PTPRE: variants seen among roughly 807,000 people sequenced by gnomAD.
PTPRE encodes the protein receptor-type tyrosine-protein phosphatase epsilon.
In PTPRE, 51 loss-of-function variants were observed where a neutral mutation model predicts 102.0. That is an observed-to-expected ratio of 0.50 (90% CI 0.40 to 0.63). PTPRE has a LOEUF of 0.63. Among genes scored for constraint, PTPRE ranks in the 30% least tolerant of loss-of-function variants. The probability of loss-of-function intolerance (pLI) is 0.00; values close to 1 mark genes in which losing one functional copy is unlikely to be tolerated. For missense variants in PTPRE, 752 were observed against 915.1 expected (o/e 0.82, Z 2.30); for synonymous variants, 345 against 348.2 (o/e 0.99, Z 0.10).
chr10:128,075,956 T>C (rs1851177436), intron 17 of PTPRE, among the ~76,000 whole-genome samples: 1 of 152,214 alleles, frequency 6.6e-6, no homozygotes, highest in South Asian at 2.1e-4. Flanking sequence ...TTATTGGTTT[T>C]ATGTATTGCA....
In PTPRE at chr10:128,084,136, A is replaced by AT; in HGVS notation, c.*1230_*1231insT. ...TCCCATTACCAGATAAGATTGACTG[A>AT]CGGGGAAAAAAAAAAAAAAAGAATG... On this transcript the variant is annotated 3_prime_UTR_variant, in exon 21 of 21. Coordinates refer to ENST00000254667, the MANE Select transcript of PTPRE (RefSeq NM_006504.6). The AT allele has an allele frequency of 1.1e-5, 1 of 94,826 alleles. No homozygotes were observed. Among genetic ancestry groups the AT allele is most frequent in the East Asian group, 3.2e-4 (1 of 3,150 alleles). 5.9% of individuals were successfully genotyped at this position (94,826 alleles called of 1,614,324 possible). A position where few individuals can be genotyped will look rare whatever the true frequency, so the allele number is the denominator to read the frequency against.
chr10:128,080,736 C>T (rs1048575824), intron 20 of PTPRE, among the ~76,000 whole-genome samples: 1 of 152,216 alleles, frequency 6.6e-6, no homozygotes, highest in African/African-American at 2.4e-5. Flanking sequence ...TGGCTGTCAT[C>T]TGTGCTCTCT....
Position 128,076,671 on chromosome 10 carries a change from G to A in PTPRE, c.1668G>A (p.Lys556=). The change falls in exon 18 of 21, where the codon AAG becomes AAA. Residue 556 remains lysine (K), a synonymous_variant. Transcript: ENST00000254667. The part of the protein sequence containing the change: ...VTHGEITIEI[K]NDTLSEAISI... ...ATGGAGAAATAACGATTGAGATAAA[G>A]AATGATACCCTTTCAGAAGCCATCA... The A allele has an allele frequency of 6.2e-7, 1 of 1,612,100 alleles. No individual in the cohort carries two copies. Among genetic ancestry groups the A allele is most frequent in the Non-Finnish European group, 8.5e-7 (1 of 1,179,508 alleles).
At chr10:128,016,801 C>G (rs1269982260) in intron 2 of PTPRE, among the ~76,000 whole-genome samples, 1 of 152,232 alleles carries the variant, frequency 6.6e-6, no homozygotes, top group African/African-American at 2.4e-5. Context: ...GAGGAACAGA[C>G]TCACCTTGTT....
rs59253362 is a variant in PTPRE at position 128,010,545 on chromosome 10, CCTTTTCTTTT to C, written c.-8+28289_-8+28298del. On this transcript the variant is annotated intron_variant, in intron 2 of 20. Coordinates refer to ENST00000254667, the MANE Select transcript of PTPRE (RefSeq NM_006504.6). ...CCAGCCACAACCGTCAAACCCTGTT[CCTTTTCTTTT>C]CTTTTCTTTTCTTTTCTTTTCTTTT... Among the ~76,000 whole-genome samples the C allele has an allele frequency of 4.1e-3, 532 of 128,322 alleles. 3 individuals are homozygous for C. Among genetic ancestry groups the C allele is most frequent in the African/African-American group, 0.012 (386 of 33,434 alleles). The allele number at this position is 128,322 out of a possible 152,430, so 84.2% of individuals were successfully genotyped here. A position where few individuals can be genotyped will look rare whatever the true frequency, so the allele number is the denominator to read the frequency against.
intron 1 of PTPRE, among the ~76,000 whole-genome samples, chr10:127,972,434 A>G (rs1850824174): frequency 6.6e-6 from 1 of 152,206 alleles, no homozygotes; most frequent in South Asian, 2.1e-4. Flanking sequence ...CTGTATGTAC[A>G]GTGTCTAGCA....
At chr10:128,041,493 C>G (rs1374240330) in intron 3 of PTPRE, among the ~76,000 whole-genome samples, 1 of 151,736 alleles carries the variant, frequency 6.6e-6, no homozygotes, top group Non-Finnish European at 1.5e-5. Flanking sequence ...ACTAAAAGTA[C>G]AAAAATTAGC....
intron 10 of PTPRE, among the ~76,000 whole-genome samples, chr10:128,065,808 C>T (rs1191505534): frequency 1.3e-5 from 2 of 152,132 alleles, no homozygotes; most frequent in Non-Finnish European, 2.9e-5. Context: ...GTATGGGATT[C>T]GTGAATGAAT....
At chr10:127,916,297 A>G (rs1191735356) in intron 1 of PTPRE, among the ~76,000 whole-genome samples, 1 of 152,128 alleles carries the variant, frequency 6.6e-6, no homozygotes, top group African/African-American at 2.4e-5. Context: ...ATAGTGAGTG[A>G]GTTCTCATGA....
At chr10:128,053,177 G>A (rs1848683776) in intron 6 of PTPRE, among the ~76,000 whole-genome samples, 1 of 152,130 alleles carries the variant, frequency 6.6e-6, no homozygotes, top group Admixed American at 6.5e-5. Context: ...CTTGAACCCG[G>A]GAGGCAGAGG....
chr10:127,907,818 GC>G lies in PTPRE; in HGVS notation c.-31+512del, dbSNP rs1353134515. ...GATGCTGCCCCGCAGCCGGGCGGGC[GC>G]CCGCGCCTTCCCAGGGAGGCAGGTG... On this transcript the variant is annotated intron_variant, in intron 1 of 20. Coordinates refer to ENST00000254667, the MANE Select transcript of PTPRE (RefSeq NM_006504.6). The surrounding 1 kb of genome is among the most constrained non-coding windows in gnomAD (Gnocchi z 4.8). Among the ~76,000 whole-genome samples the G allele has an allele frequency of 1.3e-5, 2 of 152,232 alleles. No homozygotes were observed. Among genetic ancestry groups the G allele is most frequent in the Admixed American group, 1.3e-4 (2 of 15,294 alleles).
intron 18 of PTPRE, 106 bp from the exon 19 acceptor site, chr10:128,077,511 G>C (rs1851315686): frequency 7.2e-7 from 1 of 1,398,530 alleles, no homozygotes. Flanking sequence ...AGCACAGAAG[G>C]CTCAGGGAGG....
chr10:127,967,623 T>C (rs1850359268), intron 1 of PTPRE, among the ~76,000 whole-genome samples: 1 of 152,222 alleles, frequency 6.6e-6, no homozygotes. Flanking sequence ...TATTTCTTCA[T>C]AGCAGTATGA....
At chr10:127,932,791 C>T (rs535032503) in intron 1 of PTPRE, among the ~76,000 whole-genome samples, 3 of 144,456 alleles carry the variant, frequency 2.1e-5, no homozygotes, top group South Asian at 4.4e-4. Context: ...ACGAAGTTGA[C>T]GGGCTGCAGG....
chr10:127,926,954 G>C (rs1847064901), intron 1 of PTPRE, among the ~76,000 whole-genome samples: 2 of 151,856 alleles, frequency 1.3e-5, no homozygotes, highest in Admixed American at 1.3e-4. Context: ...TGGGATTACA[G>C]GTGTGCACCA....
chr10:127,943,833 C>T (rs1212880835), intron 1 of PTPRE, among the ~76,000 whole-genome samples: 2 of 152,154 alleles, frequency 1.3e-5, no homozygotes, highest in African/African-American at 4.8e-5. Flanking sequence ...CTGTTCCTCA[C>T]GAGCTGGACA....
intron 1 of PTPRE, among the ~76,000 whole-genome samples, chr10:127,970,181 A>G (rs1045287474): frequency 2.0e-5 from 3 of 152,160 alleles, no homozygotes; most frequent in African/African-American, 7.2e-5. Flanking sequence ...GCTGGGAGAC[A>G]CAAGAGGGAG....
chr10:128,032,562 G>A (rs771094078), intron 2 of PTPRE, among the ~76,000 whole-genome samples: 6 of 152,300 alleles, frequency 3.9e-5, no homozygotes, highest in Admixed American at 6.5e-5. Context: ...ACAACAGGCA[G>A]GTTAGAAGAG....
intron 15 of PTPRE, chr10:128,071,909 C>A: frequency 2.0e-6 from 1 of 511,356 alleles, no homozygotes; most frequent in South Asian, 2.7e-5. Context: ...ATATCGATTC[C>A]TGAAAAATGA....
Sources: allele counts gnomAD v4.1 joint callset (sites outside exome capture counted in the v4.1 genomes callset), GRCh38; gene constraint gnomAD v4.1.1; non-coding constraint Gnocchi (gnomAD v3.1); transcripts MANE v1.5; gene names NCBI Gene and HGNC (gene_info 2026-07-23, HGNC 2026-07-21).